CADM1: variants seen among roughly 807,000 people sequenced by gnomAD.
The protein encoded by CADM1 is TSLC-1.
A neutral mutation model predicts 53.1 loss-of-function variants in CADM1; 15 were observed. The observed-to-expected ratio is 0.28, with a 90% CI of 0.19 to 0.44. The LOEUF (loss-of-function observed/expected upper bound fraction) is 0.44. Among genes scored for constraint, CADM1 ranks in the 20% least tolerant of loss-of-function variants. CADM1 has a pLI of 1.00. For synonymous variants in CADM1, 281 were observed against 243.0 expected, an observed-to-expected ratio of 1.16 and a Z score of -1.45; for missense variants, 434 against 611.3, an observed-to-expected ratio of 0.71 and a Z score of 3.06.
intron 1 of CADM1, among the ~76,000 whole-genome samples, chr11:115,487,896 C>A (rs1270388980): frequency 1.3e-5 from 2 of 152,098 alleles, no homozygotes; most frequent in Non-Finnish European, 2.9e-5. Context: ...TTCAAAGATA[C>A]AATTTTTCTT....
intron 1 of CADM1, among the ~76,000 whole-genome samples, chr11:115,389,927 G>A (rs1417063530): frequency 2.6e-5 from 4 of 152,126 alleles, no homozygotes; most frequent in East Asian, 1.9e-4. Flanking sequence ...GTGGATGTGC[G>A]ACTATCAAAA....
chr11:115,290,921 C>A (rs573155933), intron 1 of CADM1, among the ~76,000 whole-genome samples: 2 of 152,280 alleles, frequency 1.3e-5, no homozygotes, highest in African/African-American at 4.8e-5. Context: ...ACTGGCATCC[C>A]GTCTTCAGCA....
intron 1 of CADM1, among the ~76,000 whole-genome samples, chr11:115,462,185 G>A (rs1948810182): frequency 6.6e-6 from 1 of 152,124 alleles, no homozygotes; most frequent in East Asian, 1.9e-4. Context: ...CTTAACTAAG[G>A]GCCACTGATG....
chr11:115,494,495 T>C (rs1034892626), intron 1 of CADM1, among the ~76,000 whole-genome samples: 27 of 152,144 alleles, frequency 1.8e-4, no homozygotes, highest in Admixed American at 1.7e-3. Context: ...AAATTAGAGA[T>C]TATAATCATT....
rs1201197208 is a variant in CADM1 at position 115,290,372 on chromosome 11, A to T, written c.125-49952T>A. On this transcript the variant is annotated intron_variant, in intron 1 of 11. Transcript: ENST00000331581. ...ACTCTTGCCATAGACAGTGGCAGGA[A>T]GTCTGCTGGATGGAAGTCACTCAGC... 4.6e-5 allele frequency among the ~76,000 whole-genome samples: 7 copies of T among 152,324 alleles called. No homozygotes were observed. The East Asian group carries it at 1.3e-3, about 29-fold the overall frequency.
At chr11:115,285,802 T>A (rs1161165508) in intron 1 of CADM1, among the ~76,000 whole-genome samples, 3 of 152,120 alleles carry the variant, frequency 2.0e-5, no homozygotes, top group African/African-American at 4.8e-5. Context: ...ACTGTAGCTC[T>A]CTCATCATGT....
chr11:115,226,319 T>C (rs1215950344), intron 5 of CADM1, among the ~76,000 whole-genome samples: 2 of 152,172 alleles, frequency 1.3e-5, no homozygotes, highest in African/African-American at 4.8e-5. Flanking sequence ...TTTGTGAAAG[T>C]GGTCCTCAAA....
chr11:115,397,065 T>C (rs1306807199), intron 1 of CADM1: 1 of 152,060 alleles, frequency 6.6e-6, no homozygotes, highest in African/African-American at 2.4e-5. Flanking sequence ...AATTAGCAGC[T>C]ACATGGAAAA....
chr11:115,413,233 T>C (rs1378776115), intron 1 of CADM1, among the ~76,000 whole-genome samples: 1 of 152,208 alleles, frequency 6.6e-6, no homozygotes, highest in Non-Finnish European at 1.5e-5. Flanking sequence ...GTTTTTTATA[T>C]ATCATTCAAC....
At chr11:115,242,450 G>T (rs998143449) in intron 1 of CADM1, among the ~76,000 whole-genome samples, 1 of 151,672 alleles carries the variant, frequency 6.6e-6, no homozygotes, top group African/African-American at 2.4e-5. Flanking sequence ...TTGGAGAAAA[G>T]AAAAAGGAGA....
intron 1 of CADM1, among the ~76,000 whole-genome samples, chr11:115,389,754 T>C (rs1946787821): frequency 1.3e-5 from 2 of 152,128 alleles, no homozygotes; most frequent in East Asian, 1.9e-4. Context: ...TAGGAGATGG[T>C]TCATGGATGA....
chr11:115,276,306 G>A (rs1429132266), intron 1 of CADM1, among the ~76,000 whole-genome samples: 2 of 152,104 alleles, frequency 1.3e-5, no homozygotes, highest in Admixed American at 1.3e-4. Flanking sequence ...CCTATAAATC[G>A]AGGAACTGCT....
intron 1 of CADM1, among the ~76,000 whole-genome samples, chr11:115,302,952 G>C (rs1413910973): frequency 6.6e-6 from 1 of 151,972 alleles, no homozygotes; most frequent in Non-Finnish European, 1.5e-5. Flanking sequence ...GATGCCAGAA[G>C]AAAAAAGGAA....
chr11:115,450,411 AT>A (rs1322859271), intron 1 of CADM1, among the ~76,000 whole-genome samples: 1 of 152,130 alleles, frequency 6.6e-6, no homozygotes, highest in East Asian at 1.9e-4. Context: ...CTGTGCTTCT[AT>A]CTTAGTAATA....
chr11:115,472,380 A>G (rs1949034581), intron 1 of CADM1, among the ~76,000 whole-genome samples: 1 of 152,218 alleles, frequency 6.6e-6, no homozygotes, highest in Non-Finnish European at 1.5e-5. Context: ...AAGGAAGAGC[A>G]TATATTAGAA....
At chr11:115,334,438 G>T (rs934654713) in intron 1 of CADM1, among the ~76,000 whole-genome samples, 2 of 150,968 alleles carry the variant, frequency 1.3e-5, no homozygotes, top group Admixed American at 6.6e-5. Flanking sequence ...GCCAATGGGG[G>T]TCTAAAAATT....
In CADM1 at chr11:115,504,404, C is replaced by G; in HGVS notation, c.-10G>C. On this transcript the variant is annotated 5_prime_UTR_variant, in exon 1 of 12. Transcript: ENST00000331581. The stretch of plus-strand genomic sequence containing the variant: ...GCACTACACTCGCCATGTCGGGCAC[C>G]TGCCTCAGACTGGCGGCGTTGGCTG... 1.9e-6 allele frequency: 3 copies of G among 1,543,860 alleles called. No homozygotes were observed. The highest frequency in any genetic ancestry group is 2.6e-6 in the Non-Finnish European group (3 of 1,145,680).
chr11:115,211,673 TA>T (rs1482392437), intron 7 of CADM1, among the ~76,000 whole-genome samples: 1 of 143,222 alleles, frequency 7.0e-6, no homozygotes, highest in Non-Finnish European at 1.5e-5. Flanking sequence ...TTTTTTTTAG[TA>T]GAGACGGGGT....
chr11:115,319,253 G>T (rs1430825944), intron 1 of CADM1, among the ~76,000 whole-genome samples: 2 of 152,134 alleles, frequency 1.3e-5, no homozygotes, highest in African/African-American at 4.8e-5. Context: ...GGTTGGAAAA[G>T]AAACTGGTTG....
Sources: allele counts gnomAD v4.1 joint callset (sites outside exome capture counted in the v4.1 genomes callset), GRCh38; gene constraint gnomAD v4.1.1; transcripts MANE v1.5; gene names NCBI Gene and HGNC (gene_info 2026-07-23, HGNC 2026-07-21).